Variants in JMJD1C observed in about 807,000 individuals in gnomAD.
JMJD1C encodes the protein jumonji domain-containing protein 1C.
In JMJD1C, 31 loss-of-function variants were observed where a neutral mutation model predicts 245.3. The observed-to-expected ratio is 0.13, with a 90% CI of 0.09 to 0.17. The LOEUF is 0.17. Ranked by LOEUF, JMJD1C falls within the 10% of genes least tolerant of loss-of-function variation. The pLI, the probability that JMJD1C is intolerant of heterozygous loss-of-function variation, is 1.00. For missense variants in JMJD1C, 2,691 were observed against 3,000.2 expected (o/e 0.90, Z 2.41); for synonymous variants, 1,057 against 1,017.4 (o/e 1.04, Z -0.74).
At chr10:63,448,631 A>T (rs1394185605) in intron 1 of JMJD1C, among the ~76,000 whole-genome samples, 1 of 152,140 alleles carries the variant, frequency 6.6e-6, no homozygotes, top group Non-Finnish European at 1.5e-5. Context: ...CCAAATTTTA[A>T]CCCTTGCTAA....
intron 2 of JMJD1C, among the ~76,000 whole-genome samples, chr10:63,268,445 T>C (rs1855891991): frequency 6.6e-6 from 1 of 152,038 alleles, no homozygotes; most frequent in African/African-American, 2.4e-5. Context: ...CCATAATACT[T>C]TAAACAATTA....
Position 63,347,074 on chromosome 10 carries a change from T to C in JMJD1C, c.333+33244A>G, listed in dbSNP as rs1050429222. ...ATAGAACAAATGAAAAGAATTTTTTTTTTTTTTTTTTTTTGAGACAGAGTC... is the reference window on the plus strand; with the variant it reads ...ATAGAACAAATGAAAAGAATTTTTTCTTTTTTTTTTTTTTGAGACAGAGTC... On this transcript the variant is annotated intron_variant, in intron 2 of 25. Coordinates refer to ENST00000399262, the MANE Select transcript of JMJD1C (RefSeq NM_032776.3). 3.1e-3 allele frequency among the ~76,000 whole-genome samples: 460 copies of C among 147,308 alleles called. 1 individual carries two copies. The highest frequency in any genetic ancestry group is 0.011 in the African/African-American group (445 of 39,926).
intron 1 of JMJD1C, among the ~76,000 whole-genome samples, chr10:63,398,369 T>C: frequency 6.6e-6 from 1 of 152,196 alleles, no homozygotes; most frequent in East Asian, 1.9e-4. Context: ...ATTACCTGTA[T>C]TTTACTATTC....
intron 2 of JMJD1C, among the ~76,000 whole-genome samples, chr10:63,297,879 C>A (rs1259067198): frequency 6.6e-6 from 1 of 152,252 alleles, no homozygotes. Context: ...TGTGGCCCTA[C>A]TGGGAGCCCA....
At chr10:63,302,706 C>A (rs1234882428) in intron 2 of JMJD1C, among the ~76,000 whole-genome samples, 1 of 152,074 alleles carries the variant, frequency 6.6e-6, no homozygotes, top group Non-Finnish European at 1.5e-5. Context: ...AGTCCTAGAC[C>A]CAGACAGTAA....
chr10:63,365,501 T>C (rs1388772713), intron 2 of JMJD1C, among the ~76,000 whole-genome samples: 1 of 152,162 alleles, frequency 6.6e-6, no homozygotes, highest in Non-Finnish European at 1.5e-5. Context: ...CCAGGTGCAG[T>C]GGCTCAAGCC....
intron 1 of JMJD1C, among the ~76,000 whole-genome samples, chr10:63,503,120 C>A (rs1166047311): frequency 2.6e-5 from 4 of 152,142 alleles, no homozygotes; most frequent in Non-Finnish European, 5.9e-5. Flanking sequence ...AGACAAAGGG[C>A]CTGAGAAATA....
At chr10:63,263,466 T>A (rs115285144) in intron 3 of JMJD1C, among the ~76,000 whole-genome samples, 46 of 152,334 alleles carry the variant, frequency 3.0e-4, no homozygotes, top group African/African-American at 1.1e-3. Flanking sequence ...CATTTTATTT[T>A]TGAAAAACAG....
In JMJD1C at chr10:63,207,045, T is replaced by C. The variant is rs896473194; in HGVS notation, c.4624A>G (p.Ser1542Gly). 2.4e-5 allele frequency: 38 copies of C among 1,614,188 alleles called. No homozygotes were observed. The highest frequency in any genetic ancestry group is 3.1e-5 in the Non-Finnish European group (37 of 1,180,020). Residue 1542 changes from serine to glycine, a missense_variant, in exon 10 of 26, where the codon AGT (serine) becomes GGT (glycine). Physicochemically the swap from Ser to Gly is moderately conservative, Grantham distance 56. Coordinates refer to ENST00000399262, the MANE Select transcript of JMJD1C (RefSeq NM_032776.3). Reference sequence around the variant, plus strand: ...AGTTTAGTATGGTAGTTTGGTTGACTTGTCTGGGAAGCTTGCCCATTTCCT... The same window carrying C: ...AGTTTAGTATGGTAGTTTGGTTGACCTGTCTGGGAAGCTTGCCCATTTCCT... ...SVGNGQASQT[S>G]QPNYHTKLKK... is the part of the protein sequence containing the mutation.
At chr10:63,509,637 G>T (rs979598566) in intron 1 of JMJD1C, among the ~76,000 whole-genome samples, 1 of 152,162 alleles carries the variant, frequency 6.6e-6, no homozygotes, top group Non-Finnish European at 1.5e-5. Flanking sequence ...ACTTTTGGCA[G>T]ATTGTACCTT....
chr10:63,180,769 A>ATTT (rs11318245), intron 22 of JMJD1C, among the ~76,000 whole-genome samples: 2 of 128,846 alleles, frequency 1.6e-5, no homozygotes, highest in Non-Finnish European at 3.4e-5. Flanking sequence ...TGCACAGCTA[A>ATTT]TTTTTTTTTT....
chr10:63,194,670 CTCTA>C (rs1303141501), intron 13 of JMJD1C: 2 of 263,276 alleles, frequency 7.6e-6, no homozygotes, highest in Admixed American at 9.4e-5. Context: ...TATTAGTGAC[CTCTA>C]TCTTTGTAGC....
chr10:63,459,268 G>A (rs1307715211), intron 1 of JMJD1C, among the ~76,000 whole-genome samples: 1 of 152,176 alleles, frequency 6.6e-6, no homozygotes, highest in African/African-American at 2.4e-5. Context: ...ATTAAAAAAT[G>A]TAGTTGCTAC....
intron 10 of JMJD1C, chr10:63,202,795 TCA>T (rs1442992417): frequency 3.0e-6 from 3 of 984,550 alleles, no homozygotes; most frequent in African/African-American, 3.5e-5. Context: ...TGTAAAATAT[TCA>T]GAGCTTTTAC....
At chr10:63,412,802 T>G (rs1207559296) in intron 1 of JMJD1C, among the ~76,000 whole-genome samples, 1 of 152,192 alleles carries the variant, frequency 6.6e-6, no homozygotes, top group Non-Finnish European at 1.5e-5. Context: ...TTTTCTAAAT[T>G]TTTAAAAATA....
intron 1 of JMJD1C, among the ~76,000 whole-genome samples, chr10:63,434,355 A>C (rs2132868713): frequency 6.6e-6 from 1 of 152,298 alleles, no homozygotes; most frequent in South Asian, 2.1e-4. Context: ...CAAATTATGT[A>C]AGCTTTCTGA....
chr10:63,239,081 A>G (rs1851154238), intron 3 of JMJD1C, among the ~76,000 whole-genome samples: 1 of 152,220 alleles, frequency 6.6e-6, no homozygotes, highest in Non-Finnish European at 1.5e-5. Flanking sequence ...AGACTCAAGA[A>G]AAGTATGAAA....
At chr10:63,178,193 G>A (rs1843042349) in intron 22 of JMJD1C, among the ~76,000 whole-genome samples, 1 of 152,024 alleles carries the variant, frequency 6.6e-6, no homozygotes, top group African/African-American at 2.4e-5. Context: ...CACCTGCTTG[G>A]GCCTCCCAAA....
intron 16 of JMJD1C, among the ~76,000 whole-genome samples, chr10:63,192,072 T>C (rs1034122838): frequency 7.4e-5 from 11 of 148,476 alleles, no homozygotes; most frequent in Non-Finnish European, 1.2e-4. Context: ...CTGGTGGCTA[T>C]ATCAATATGC....
Sources: gnomAD v4.1 joint callset for allele counts (sites outside exome capture counted in the v4.1 genomes callset) on GRCh38, gnomAD v4.1.1 for gene constraint, MANE v1.5 for transcripts, NCBI Gene and HGNC (gene_info 2026-07-23, HGNC 2026-07-21) for gene names.